The following TMEM44 variants were observed in gnomAD, a reference collection of about 807,000 sequenced individuals.
The protein encoded by TMEM44 is transmembrane protein 44.
Under a neutral mutation model 47.8 loss-of-function variants are expected in TMEM44, and 43 were observed. The observed-to-expected ratio is 0.90, with a 90% confidence interval of 0.70 to 1.16. The LOEUF (loss-of-function observed/expected upper bound fraction) is 1.16, where lower values mean the gene tolerates loss of function less well. TMEM44 is among the 50% of genes most tolerant of loss of function. The pLI, the probability that TMEM44 is intolerant of heterozygous loss-of-function variation, is 0.00. For synonymous variants in TMEM44, 277 were observed against 238.8 expected (o/e 1.16, Z -1.48); for missense variants, 568 against 555.2 (o/e 1.02, Z -0.23).
At chr3:194,632,255 T>C (rs1369439258) in intron 1 of TMEM44, among the ~76,000 whole-genome samples, 1 of 152,198 alleles carries the variant, frequency 6.6e-6, no homozygotes, top group African/African-American at 2.4e-5. Context: ...ATTGCAGTAC[T>C]GGGTAGTGGG....
At chr3:194,588,703 C>A (rs1052818013) in intron 9 of TMEM44, 64 bp from the exon 10 acceptor site, 2 of 1,469,714 alleles carry the variant, frequency 1.4e-6, no homozygotes, top group Non-Finnish European at 1.9e-6. Context: ...TCTGTCATAA[C>A]CCCTGACCCA....
intron 3 of TMEM44, 78 bp from the exon 4 acceptor site, chr3:194,623,773 G>T: frequency 6.4e-7 from 1 of 1,572,986 alleles, no homozygotes; most frequent in Non-Finnish European, 8.7e-7. Context: ...GGGAAGAACT[G>T]GTGTCAGCTC....
At chr3:194,623,502 G>A (rs1246034880) in intron 4 of TMEM44, 27 bp downstream of exon 4, 1 of 1,561,616 alleles carries the variant, frequency 6.4e-7, no homozygotes, top group African/African-American at 1.4e-5. Context: ...AGTACCCCGA[G>A]TCCTCCCCAC....
At chr3:194,614,817 A>G (rs1431748788) in intron 7 of TMEM44, among the ~76,000 whole-genome samples, 1 of 152,250 alleles carries the variant, frequency 6.6e-6, no homozygotes. Context: ...TATTCCATCT[A>G]CATTGCTAAA....
At chr3:194,589,386 C>A (rs1386391319) in intron 9 of TMEM44, 1 of 152,338 alleles carries the variant, frequency 6.6e-6, no homozygotes, top group African/African-American at 2.4e-5. Flanking sequence ...TCTCACCTGC[C>A]TTTCTCTTTG....
chr3:194,628,311 C>G, intron 2 of TMEM44, 72 bp downstream of exon 2: 1 of 1,540,562 alleles, frequency 6.5e-7, no homozygotes, highest in Non-Finnish European at 8.7e-7. Context: ...GCCACCACGG[C>G]TGCAGCAGAG....
At position 194,610,966 on chromosome 3, in the gene TMEM44, T is replaced by C. The variant is rs777367586; in HGVS notation, c.967A>G (p.Met323Val). The change falls in exon 8 of 10, where the codon ATG (methionine) becomes GTG (valine). Residue 323 changes from methionine to valine, a missense_variant. Transcript: ENST00000347147. ...TCCATGTAGCGACTGATTGCTGTCA[T>C]TGTCCTCAGTGACTTGCAGTGTGAC... Reference protein sequence around the residue: ...TLSHCKSLRTMTAISRYMELT... With the variant: ...TLSHCKSLRTVTAISRYMELT... The C allele has an allele frequency of 7.4e-6, 12 of 1,613,954 alleles. No individual in the cohort carries two copies. Among genetic ancestry groups the C allele is most frequent in the Admixed American group, 1.7e-5 (1 of 59,998 alleles).
At chr3:194,589,856 T>C (rs1712399768) in intron 9 of TMEM44, 3 of 152,210 alleles carry the variant, frequency 2.0e-5, no homozygotes, top group African/African-American at 7.2e-5. Flanking sequence ...GGGCCTCAGT[T>C]TCCCCATGTG....
chr3:194,591,695 T>C (rs1712743740), intron 9 of TMEM44, among the ~76,000 whole-genome samples: 1 of 151,752 alleles, frequency 6.6e-6, no homozygotes, highest in Non-Finnish European at 1.5e-5. Flanking sequence ...AACCTCTGCC[T>C]CCTGGGTTCA....
rs1456249170 is a variant in TMEM44 at position 194,633,035 on chromosome 3, C to T, written c.137+44G>A. 2.9e-5 allele frequency: 14 copies of T among 487,310 alleles called. No individual in the cohort carries two copies. In the East Asian group the frequency reaches 7.2e-4, roughly 25 times the overall value. 30.2% of individuals were successfully genotyped at this position (487,310 alleles called of 1,614,324 possible). A position where few individuals can be genotyped will look rare whatever the true frequency, so the allele number is the denominator to read the frequency against. On this transcript the variant is annotated intron_variant, in intron 1 of 9. Transcript: ENST00000347147. ...GAGAGGGAGCAGCAGGGGATTGGCG[C>T]CCGTTTCCCCGCCCGACAGCCCCCC...
chr3:194,610,021 G>A (rs1174310480), intron 8 of TMEM44, among the ~76,000 whole-genome samples: 1 of 152,244 alleles, frequency 6.6e-6, no homozygotes, highest in East Asian at 1.9e-4. Context: ...GAGGTCAAGA[G>A]ATCGAGACCA....
chr3:194,607,976 G>A (rs1276565863), intron 8 of TMEM44, among the ~76,000 whole-genome samples: 1 of 152,216 alleles, frequency 6.6e-6, no homozygotes, highest in African/African-American at 2.4e-5. Flanking sequence ...TTCTTTCATG[G>A]AGTCTGTTCC....
At chr3:194,619,546 C>T (rs1716299615) in intron 5 of TMEM44, among the ~76,000 whole-genome samples, 1 of 152,214 alleles carries the variant, frequency 6.6e-6, no homozygotes, top group Non-Finnish European at 1.5e-5. Context: ...GTGGGTGTTT[C>T]GTACCCCTGT....
At chr3:194,595,509 C>G (rs1773176) in intron 9 of TMEM44, among the ~76,000 whole-genome samples, 140,233 of 152,156 alleles carry the variant, frequency 0.92, 64,686 homozygotes, top group East Asian at 0.98. Context: ...TTACTCTTAC[C>G]TTTGGGGAGA....
At position 194,592,014 on chromosome 3, in the gene TMEM44, C is replaced by T. The variant is rs539245529; in HGVS notation, c.1177-3375G>A. On this transcript the variant is annotated intron_variant, in intron 9 of 9. Transcript: ENST00000347147. ...CGGGTGGATCATGAGGTCAGGAGAT[C>T]GAGACCATCCTGGCTAACAAGGTGA... 6.9e-3 allele frequency among the ~76,000 whole-genome samples: 1,045 copies of T among 152,126 alleles called. 8 individuals carry two copies. The highest frequency in any genetic ancestry group is 0.014 in the Admixed American group (219 of 15,292).
In TMEM44 at chr3:194,617,119, G is replaced by T; in HGVS notation, c.763C>A (p.Arg255Ser). The change falls in exon 6 of 10, where the codon CGT becomes AGT. Residue 255 changes from arginine (R) to serine (S), a missense_variant. Physicochemically the swap from Arg to Ser is moderately radical, Grantham distance 110. Coordinates refer to ENST00000347147, the MANE Select transcript of TMEM44 (RefSeq NM_001011655.3). ...ATPWFLTSLG[R>S]AALDLAIIFL... ...GATACAGCGAGGTCCAGTGCCGCAC[G>T]GCCGAGGGAGGTCAGGAACCAGGGT... is the stretch of plus-strand genomic sequence containing the variant. 6.4e-7 allele frequency: 1 copy of T among 1,552,068 alleles called. No homozygotes were observed. The highest frequency in any genetic ancestry group is 8.7e-7 in the Non-Finnish European group (1 of 1,148,910).
At chr3:194,608,660 G>A (rs1715005635) in intron 8 of TMEM44, among the ~76,000 whole-genome samples, 1 of 152,174 alleles carries the variant, frequency 6.6e-6, no homozygotes, top group Non-Finnish European at 1.5e-5. Flanking sequence ...AATCAGGAGG[G>A]AGAGCATTCT....
intron 9 of TMEM44, among the ~76,000 whole-genome samples, chr3:194,591,187 T>C (rs1577141662): frequency 6.7e-6 from 1 of 148,852 alleles, no homozygotes; most frequent in Non-Finnish European, 1.5e-5. Flanking sequence ...AGAGCGAAAC[T>C]CCATCTCAAG....
intron 5 of TMEM44, chr3:194,617,774 G>A (rs1277215925): frequency 4.3e-6 from 3 of 703,106 alleles, no homozygotes; most frequent in Non-Finnish European, 7.8e-6. Context: ...TCGGAGGTGG[G>A]GCCTGGTGGG....
Sources: gnomAD v4.1 joint callset for allele counts (sites outside exome capture counted in the v4.1 genomes callset) on GRCh38, gnomAD v4.1.1 for gene constraint, MANE v1.5 for transcripts, NCBI Gene and HGNC (gene_info 2026-07-23, HGNC 2026-07-21) for gene names.